ANO2: variants seen among roughly 807,000 people sequenced by gnomAD.
The protein encoded by ANO2 is anoctamin 2, also known as anoctamin-2.
ANO2 carries 101 observed loss-of-function variants against 124.2 expected under a neutral mutation model. The observed-to-expected ratio is 0.81, with a 90% CI of 0.69 to 0.96. The LOEUF (loss-of-function observed/expected upper bound fraction) is 0.96, where lower values mean the gene tolerates loss of function less well. ANO2 is among the 40% of genes least tolerant of loss of function. The pLI is 0.00. For missense variants in ANO2, 1,293 were observed against 1,274.5 expected (o/e 1.01, Z -0.22); for synonymous variants, 486 against 482.5 (o/e 1.01, Z -0.09).
At chr12:5,692,235 G>C (rs1205299105) in intron 14 of ANO2, among the ~76,000 whole-genome samples, 3 of 152,088 alleles carry the variant, frequency 2.0e-5, no homozygotes, top group Admixed American at 6.5e-5. Context: ...TTTAGTAGTA[G>C]AGTTAAAGGC....
intron 14 of ANO2, among the ~76,000 whole-genome samples, chr12:5,686,152 C>T (rs1339636367): frequency 1.3e-5 from 2 of 152,116 alleles, no homozygotes; most frequent in Admixed American, 1.3e-4. Flanking sequence ...CAGTAAAGTC[C>T]CCTTCCCCTC....
chr12:5,828,465 T>C (rs1365526859), intron 6 of ANO2, among the ~76,000 whole-genome samples: 1 of 152,258 alleles, frequency 6.6e-6, no homozygotes, highest in African/African-American at 2.4e-5. Flanking sequence ...GCAAAGGAGC[T>C]ACCTCTATGT....
rs1253108658 is a variant in ANO2, at chr12:5,873,244, T to TCTCTCTCTCTCTCC, written c.535-19104_535-19103insGGAGAGAGAGAGAG. On this transcript the variant is annotated intron_variant, in intron 3 of 24. Coordinates refer to ENST00000682330, the MANE Select transcript of ANO2 (RefSeq NM_001364791.2). ...CTCTCTCTCTCTCTCTCTCTCTCTC[T>TCTCTCTCTCTCTCC]CTGTCTGTCTCTCTCCCTTTCTCTC... Among the ~76,000 whole-genome samples, 140 of 141,796 alleles carry TCTCTCTCTCTCTCC rather than the reference T, an allele frequency of 9.9e-4. 5 individuals carry two copies. Among genetic ancestry groups the TCTCTCTCTCTCTCC allele is most frequent in the African/African-American group, 4.0e-3 (137 of 34,198 alleles). The allele number at this position is 141,796 out of a possible 152,430, so 93.0% of individuals were successfully genotyped here. A position where few individuals can be genotyped will look rare whatever the true frequency, so the allele number is the denominator to read the frequency against.
At chr12:5,702,599 G>A (rs371572050) in intron 14 of ANO2, among the ~76,000 whole-genome samples, 88 of 149,622 alleles carry the variant, frequency 5.9e-4, no homozygotes, top group African/African-American at 1.8e-3. Flanking sequence ...CCATCATACC[G>A]AAAACAATGA....
chr12:5,884,194 C>T (rs1213513709), intron 3 of ANO2, among the ~76,000 whole-genome samples: 1 of 152,174 alleles, frequency 6.6e-6, no homozygotes, highest in Non-Finnish European at 1.5e-5. Flanking sequence ...CAGATAACAG[C>T]CACTGTGGGC....
At chr12:5,884,095 A>C (rs1403171307) in intron 3 of ANO2, among the ~76,000 whole-genome samples, 1 of 152,190 alleles carries the variant, frequency 6.6e-6, no homozygotes, top group Non-Finnish European at 1.5e-5. Flanking sequence ...CAGACCCTGC[A>C]CACTTAACTA....
At chr12:5,587,209 A>G (rs568785852) in intron 20 of ANO2, among the ~76,000 whole-genome samples, 2 of 152,300 alleles carry the variant, frequency 1.3e-5, no homozygotes, top group South Asian at 2.1e-4. Context: ...ATAAGACACA[A>G]ATCTCACCCT....
intron 14 of ANO2, among the ~76,000 whole-genome samples, chr12:5,692,379 A>G (rs1388758204): frequency 6.6e-6 from 1 of 152,114 alleles, no homozygotes; most frequent in Non-Finnish European, 1.5e-5. Context: ...GATTTGGATG[A>G]ACTTAAGTAA....
intron 9 of ANO2, among the ~76,000 whole-genome samples, chr12:5,805,641 A>C (rs1953167324): frequency 6.6e-6 from 1 of 152,182 alleles, no homozygotes; most frequent in Non-Finnish European, 1.5e-5. Context: ...CCTGGATTTG[A>C]GGGCTAGAGG....
intron 23 of ANO2, among the ~76,000 whole-genome samples, chr12:5,571,241 C>T (rs569676609): frequency 8.5e-5 from 13 of 152,206 alleles, no homozygotes; most frequent in African/African-American, 2.9e-4. Flanking sequence ...AGCCTACATC[C>T]GTCCTCCAGG....
chr12:5,826,389 G>A (rs950686126), intron 7 of ANO2, among the ~76,000 whole-genome samples: 1 of 149,878 alleles, frequency 6.7e-6, no homozygotes, highest in African/African-American at 2.5e-5. Flanking sequence ...AGAGGGTGTT[G>A]CCAAAGGAGA....
intron 10 of ANO2, among the ~76,000 whole-genome samples, chr12:5,760,236 G>T (rs1034773539): frequency 2.0e-5 from 3 of 152,034 alleles, no homozygotes; most frequent in Non-Finnish European, 2.9e-5. Flanking sequence ...TATAAAGTTT[G>T]TAAATTACCA....
At position 5,922,778 on chromosome 12, in the gene ANO2, G is replaced by T. The variant is rs766546668; in HGVS notation, c.49C>A (p.Arg17Ser). 4.5e-6 allele frequency: 7 copies of T among 1,542,108 alleles called. No individual in the cohort carries two copies. Among genetic ancestry groups the T allele is most frequent in the South Asian group, 1.2e-5 (1 of 81,644 alleles). Residue 17 changes from arginine to serine, a missense_variant, in exon 2 of 25, where the codon CGC becomes AGC. Transcript: ENST00000682330. ...GACCCTGCCTGAGGGCTCAGCCGGC[G>T]TGGGGAGCCAGGGAGCAGGGGTATA... The part of the protein sequence containing the change: ...RDIPLLPGSP[R>S]RLSPQAGSRG...
chr12:5,718,730 T>C (rs1950110896), intron 14 of ANO2, among the ~76,000 whole-genome samples: 1 of 152,240 alleles, frequency 6.6e-6, no homozygotes, highest in Non-Finnish European at 1.5e-5. Context: ...TGGAAGGTAC[T>C]GGTGCCAGAT....
intron 7 of ANO2, 171 bp downstream of exon 7, chr12:5,827,598 C>T (rs1591663425): frequency 6.7e-6 from 5 of 740,872 alleles, no homozygotes; most frequent in South Asian, 5.0e-5. Flanking sequence ...AAATGGGACC[C>T]CCGCTGCTCC....
At chr12:5,759,524 G>T (rs948511305) in intron 10 of ANO2, among the ~76,000 whole-genome samples, 1 of 151,336 alleles carries the variant, frequency 6.6e-6, no homozygotes, top group Admixed American at 6.6e-5. Flanking sequence ...CATCATTACT[G>T]CCTGAGCTCT....
At chr12:5,808,757 T>G (rs1207673069) in intron 7 of ANO2, among the ~76,000 whole-genome samples, 1 of 152,166 alleles carries the variant, frequency 6.6e-6, no homozygotes, top group Admixed American at 6.5e-5. Flanking sequence ...TCATTAAAAT[T>G]CATGGCTTCC....
chr12:5,616,152 G>A (rs1179248388), intron 16 of ANO2, among the ~76,000 whole-genome samples: 3 of 152,194 alleles, frequency 2.0e-5, no homozygotes, highest in Non-Finnish European at 4.4e-5. Context: ...AGGTGACAGG[G>A]TGATCTTAGT....
chr12:5,679,112 C>T (rs1156338307), intron 14 of ANO2, among the ~76,000 whole-genome samples: 1 of 152,164 alleles, frequency 6.6e-6, no homozygotes, highest in Non-Finnish European at 1.5e-5. Context: ...AGAGTCCTTC[C>T]TTACACTTTG....
Sources: allele counts gnomAD v4.1 joint callset (sites outside exome capture counted in the v4.1 genomes callset), GRCh38; gene constraint gnomAD v4.1.1; transcripts MANE v1.5; gene names NCBI Gene and HGNC (gene_info 2026-07-23, HGNC 2026-07-21).